Variants in ARLN observed in about 807,000 individuals in gnomAD.
ARLN encodes allregulin, also known as sarcoplasmic/endoplasmic reticulum calcium ATPase regulator ARLN.
chr4:119,304,269 C>T, the ARLN span: 1 of 1,536,512 alleles, frequency 6.5e-7, no homozygotes, highest in East Asian at 2.4e-5. Context: ...TCACATTTAA[C>T]TTGTCTCCAC....
chr4:119,300,984 T>C, the ARLN span: 1 of 571,200 alleles, frequency 1.8e-6, no homozygotes, highest in Non-Finnish European at 3.0e-6. Flanking sequence ...TGGTGGGTTT[T>C]GTACTGTCTC....
chr4:119,297,273 A>G, the ARLN span: 2 of 152,178 alleles, frequency 1.3e-5, no homozygotes, highest in Admixed American at 1.3e-4. Flanking sequence ...GACTAACCCT[A>G]AGAACGATTT....
chr4:119,304,318 T>C, the ARLN span: 1 of 1,537,288 alleles, frequency 6.5e-7, no homozygotes, highest in South Asian at 1.2e-5. Flanking sequence ...GAGGGTTATT[T>C]TCTCAAGATC....
chr4:119,300,853 TC>T, the ARLN span: 3 of 1,423,436 alleles, frequency 2.1e-6, no homozygotes, highest in Non-Finnish European at 9.2e-7. Context: ...TACGTTCTCG[TC>T]CCCCTGAAAG....
At chr4:119,300,914 C>G in the ARLN span, 2,590 of 994,044 alleles carry the variant, frequency 2.6e-3, 44 homozygotes, top group African/African-American at 0.036. Context: ...CACGAGGTCA[C>G]CTCTCCTATC....
At chr4:119,300,992 C>T in the ARLN span, 1 of 519,102 alleles carries the variant, frequency 1.9e-6, no homozygotes, top group Non-Finnish European at 3.3e-6. Context: ...TTTGTACTGT[C>T]TCTAGCATTT....
chr4:119,300,597 G>T, the ARLN span: 3 of 1,611,518 alleles, frequency 1.9e-6, no homozygotes, highest in Non-Finnish European at 1.7e-6. Context: ...CCGGACTTTG[G>T]TGTTCGCCGC....
chr4:119,298,856 T>C, the ARLN span: 1 of 714,354 alleles, frequency 1.4e-6, no homozygotes, highest in Non-Finnish European at 2.6e-6. Context: ...ATTTACATAT[T>C]GATAAAAAGA....
At chr4:119,296,571 C>T in the ARLN span, 2 of 152,158 alleles carry the variant, frequency 1.3e-5, no homozygotes, top group African/African-American at 4.8e-5. Flanking sequence ...GGGCCCTGGT[C>T]CATGTCTGAA....
chr4:119,300,697 A>G, the ARLN span: 2 of 1,531,664 alleles, frequency 1.3e-6, no homozygotes, highest in South Asian at 2.4e-5. Context: ...CCCAGCGCGC[A>G]GGCGCCTGGC....
At chr4:119,304,358 A>G in the ARLN span, 2 of 1,536,948 alleles carry the variant, frequency 1.3e-6, no homozygotes, top group Admixed American at 2.0e-5. Flanking sequence ...TTGTTTCCAT[A>G]GTTTTTTGCC....
At chr4:119,301,001 T>A in the ARLN span, 1 of 487,258 alleles carries the variant, frequency 2.1e-6, no homozygotes, top group Non-Finnish European at 3.6e-6. Flanking sequence ...TCTCTAGCAT[T>A]TGACACTTAA....
the ARLN span, among the ~76,000 whole-genome samples, chr4:119,303,478 GC>G: frequency 0.2 from 30,616 of 152,000 alleles, 3,653 homozygotes; most frequent in South Asian, 0.32. Context: ...CAGGTGATCC[GC>G]CCGCCTCGGC....
the ARLN span, chr4:119,298,558 C>T: frequency 2.2e-6 from 1 of 448,628 alleles, no homozygotes; most frequent in African/African-American, 2.0e-5. Context: ...TAAACACGAA[C>T]CAAAGGGTTT....
chr4:119,300,334 A>AC, the ARLN span: 1 of 1,606,440 alleles, frequency 6.2e-7, no homozygotes, highest in South Asian at 1.1e-5. Context: ...CGAGATACTC[A>AC]CCATGGCAAA....
the ARLN span, among the ~76,000 whole-genome samples, chr4:119,301,603 A>G: frequency 6.6e-6 from 1 of 152,190 alleles, no homozygotes; most frequent in East Asian, 1.9e-4. Flanking sequence ...TTGTTCAGAA[A>G]ATAACGGGCA....
At chr4:119,300,584 T>C in the ARLN span, 1 of 1,613,636 alleles carries the variant, frequency 6.2e-7, no homozygotes, top group Non-Finnish European at 8.5e-7. Context: ...AATGCTTAAG[T>C]TCCCGGACTT....
chr4:119,303,192 T>TTTTA, the ARLN span, among the ~76,000 whole-genome samples: 2 of 151,982 alleles, frequency 1.3e-5, no homozygotes, highest in Admixed American at 6.6e-5. Flanking sequence ...TTCTGGGTCA[T>TTTTA]TTTATTTATT....
At chr4:119,300,896 T>G in the ARLN span, 1 of 1,188,104 alleles carries the variant, frequency 8.4e-7, no homozygotes, top group Non-Finnish European at 1.1e-6. Flanking sequence ...GACTCCTCCC[T>G]GAAACTGCAC....
Sources: allele counts gnomAD v4.1 joint callset (sites outside exome capture counted in the v4.1 genomes callset), GRCh38; gene constraint gnomAD v4.1.1; transcripts MANE v1.5; gene names NCBI Gene and HGNC (gene_info 2026-07-23, HGNC 2026-07-21).